Variants in ALKBH3 observed in about 807,000 individuals in gnomAD.
ALKBH3 encodes the protein alkB homolog 3, alpha-ketoglutarate dependent dioxygenase, also known as alpha-ketoglutarate-dependent dioxygenase alkB homolog 3.
In ALKBH3, 51 loss-of-function variants were observed where a neutral mutation model predicts 43.9. The observed-to-expected ratio is 1.16, with a 90% confidence interval of 0.93 to 1.47. The LOEUF (loss-of-function observed/expected upper bound fraction) is 1.47. Among genes scored for constraint, ALKBH3 ranks in the 40% most tolerant of loss-of-function variants. The pLI, the probability that ALKBH3 is intolerant of heterozygous loss-of-function variation, is 0.00. For missense variants in ALKBH3, 361 were observed against 351.9 expected, an observed-to-expected ratio of 1.03 and a Z score of -0.21; for synonymous variants, 102 against 115.2, an observed-to-expected ratio of 0.89 and a Z score of 0.73.
Position 43,883,099 on chromosome 11 carries a change from A to G in ALKBH3, c.94A>G (p.Ser32Gly). ...TCTTGCTTCAGCTACCACTGCTAAG[A>G]GCCATCTCCACCAGAAGCCTGGCCA... Reference protein sequence around the residue: ...AIAQPATTAKSHLHQKPGQTW... With the variant: ...AIAQPATTAKGHLHQKPGQTW... Residue 32 changes from serine (S) to glycine (G), a missense_variant, in exon 3 of 10, where the codon AGC (serine) becomes GGC (glycine). Coordinates refer to ENST00000302708, the MANE Select transcript of ALKBH3 (RefSeq NM_139178.4). The G allele has an allele frequency of 6.2e-7, 1 of 1,614,016 alleles. No individual in the cohort carries two copies. The highest frequency in any genetic ancestry group is 8.5e-7 in the Non-Finnish European group (1 of 1,179,988).
At chr11:43,896,218 G>T (rs1951817377) in intron 7 of ALKBH3, among the ~76,000 whole-genome samples, 1 of 151,492 alleles carries the variant, frequency 6.6e-6, no homozygotes. Flanking sequence ...TAGAAAACTG[G>T]TATCTGCCAC....
intron 8 of ALKBH3, among the ~76,000 whole-genome samples, chr11:43,914,776 C>A (rs1056784355): frequency 6.6e-6 from 1 of 152,048 alleles, no homozygotes; most frequent in East Asian, 1.9e-4. Context: ...GTATGACAAA[C>A]AAATGCCTTA....
At chr11:43,916,543 T>A (rs1951984638) in intron 8 of ALKBH3, 2 of 152,040 alleles carry the variant, frequency 1.3e-5, no homozygotes, top group African/African-American at 4.8e-5. Flanking sequence ...TTAGCCCTGG[T>A]TTTGGGGGGT....
chr11:43,891,937 C>G, intron 6 of ALKBH3, 104 bp from the exon 7 acceptor site: 1 of 835,952 alleles, frequency 1.2e-6, no homozygotes, highest in Non-Finnish European at 1.9e-6. Flanking sequence ...TCTTACTTTT[C>G]TTTTGTATTT....
chr11:43,897,159 A>T, intron 7 of ALKBH3: 1 of 479,874 alleles, frequency 2.1e-6, no homozygotes, highest in South Asian at 1.5e-5. Context: ...GTGGCTTTAT[A>T]TATAAAATAA....
At position 43,901,618 on chromosome 11, in the gene ALKBH3, G is replaced by T; in HGVS notation, c.562G>T (p.Val188Leu). 6.2e-7 allele frequency: 1 copy of T among 1,614,254 alleles called. No individual in the cohort carries two copies. The highest frequency in any genetic ancestry group is 8.5e-7 in the Non-Finnish European group (1 of 1,180,046). ...TCTTTATCGCAATGAGAAGGACAGC[G>T]TGGACTGGCACAGTGATGATGAACC... ...CNLYRNEKDS[V>L]DWHSDDEPSL... The change falls in exon 8 of 10, where the codon GTG (valine) becomes TTG (leucine). Residue 188 changes from valine (V) to leucine (L), a missense_variant. Transcript: ENST00000302708.
chr11:43,881,934 G>A (rs1197083469), intron 1 of ALKBH3, among the ~76,000 whole-genome samples: 1 of 152,216 alleles, frequency 6.6e-6, no homozygotes, highest in Admixed American at 6.5e-5. Flanking sequence ...AGTATTATTA[G>A]CCATTATGAG....
At position 43,897,979 on chromosome 11, in the gene ALKBH3, C is replaced by T. The variant is rs951025795; in HGVS notation, c.460-3537C>T. On this transcript the variant is annotated intron_variant, in intron 7 of 9. Transcript: ENST00000302708. ...AACCTTTGTGCCCCATTGGACTCCA[C>T]CTTCCATCACGCCCTCTTCAGAGAC... 18 of 795,946 alleles carry T rather than the reference C, an allele frequency of 2.3e-5. No individual in the cohort carries two copies. The African/African-American group carries it at 2.9e-4, about 13-fold the overall frequency. 49.3% of individuals were successfully genotyped at this position (795,946 alleles called of 1,614,324 possible).
At chr11:43,895,201 A>G (rs1357341346) in intron 7 of ALKBH3, among the ~76,000 whole-genome samples, 3 of 152,182 alleles carry the variant, frequency 2.0e-5, no homozygotes, top group Non-Finnish European at 4.4e-5. Context: ...TCACTGCGAA[A>G]CATATAACAT....
intron 7 of ALKBH3, chr11:43,898,961 G>A (rs1951840774): frequency 4.0e-6 from 3 of 750,296 alleles, no homozygotes; most frequent in South Asian, 2.7e-5. Context: ...TGGAGGAGCT[G>A]GAGAATGAAG....
intron 7 of ALKBH3, among the ~76,000 whole-genome samples, chr11:43,900,198 T>G (rs1484000119): frequency 6.7e-6 from 1 of 149,360 alleles, no homozygotes; most frequent in Non-Finnish European, 1.5e-5. Context: ...TGATTGCATT[T>G]TTTTTATTTT....
rs1179017702 is a variant in ALKBH3, at chr11:43,919,075, A to G, written c.707A>G (p.Lys236Arg). ...NGDYTYVERV[K>R]IPLDHGTLLI... ...GACTACACATATGTGGAAAGAGTGA[A>G]GATACCCTTGGATCATGGGACCTTG... Residue 236 changes from lysine (K) to arginine (R), a missense_variant, in exon 9 of 10, where the codon AAG becomes AGG. Transcript: ENST00000302708. The G allele has an allele frequency of 6.2e-7, 1 of 1,613,126 alleles. No individual in the cohort carries two copies. Among genetic ancestry groups the G allele is most frequent in the Non-Finnish European group, 8.5e-7 (1 of 1,179,098 alleles).
intron 8 of ALKBH3, among the ~76,000 whole-genome samples, chr11:43,902,890 C>T (rs958226016): frequency 1.3e-5 from 2 of 152,222 alleles, no homozygotes; most frequent in African/African-American, 4.8e-5. Flanking sequence ...AGCCACTGCA[C>T]CTGGCCCAGG....
rs371147337 is a variant in ALKBH3 at position 43,886,144 on chromosome 11, T to C, written c.219-462T>C. On this transcript the variant is annotated intron_variant, in intron 4 of 9. Coordinates refer to ENST00000302708, the MANE Select transcript of ALKBH3 (RefSeq NM_139178.4). ...CATTATGAGGACCTTGAATGCAGTT[T>C]TGGGGTGCCATTGAAGGATTTTAAT... Among the ~76,000 whole-genome samples, 3 of 152,182 alleles carry C rather than the reference T, an allele frequency of 2.0e-5. No homozygotes were observed. The South Asian group carries it at 6.2e-4, about 32-fold the overall frequency.
Position 43,882,645 on chromosome 11 carries a change from T to C in ALKBH3, c.-8T>C, listed in dbSNP as rs1454475986. On this transcript the variant is annotated 5_prime_UTR_variant, in exon 2 of 10. Transcript: ENST00000302708. ...TGAAAGCTCGGAGCAGAAGCCTTTT[T>C]GGTCAACATGGAGGAAAAAAGACGG... The C allele has an allele frequency of 1.9e-6, 3 of 1,610,682 alleles. No individual in the cohort carries two copies. Among genetic ancestry groups the C allele is most frequent in the Non-Finnish European group, 2.5e-6 (3 of 1,179,036 alleles).
chr11:43,919,189 A>G, intron 9 of ALKBH3, 53 bp downstream of exon 9: 14 of 1,424,442 alleles, frequency 9.8e-6, no homozygotes, highest in Non-Finnish European at 1.4e-5. Flanking sequence ...CAGTTTCCTG[A>G]CTCTGAGGAC....
At chr11:43,899,130 A>C in intron 7 of ALKBH3, 1 of 770,566 alleles carries the variant, frequency 1.3e-6, no homozygotes. Flanking sequence ...TCACTCCAAG[A>C]GGTCGCCACA....
chr11:43,915,459 A>C (rs1480717118), intron 8 of ALKBH3, among the ~76,000 whole-genome samples: 3 of 152,178 alleles, frequency 2.0e-5, no homozygotes, highest in Non-Finnish European at 2.9e-5. Context: ...TTTTTTAAGA[A>C]TATATCCTAG....
chr11:43,902,311 G>T (rs1297807257), intron 8 of ALKBH3, among the ~76,000 whole-genome samples: 3 of 152,098 alleles, frequency 2.0e-5, no homozygotes, highest in Non-Finnish European at 4.4e-5. Context: ...CCACATTCAG[G>T]TAGAAAAACA....
Sources: gnomAD v4.1 joint callset for allele counts (sites outside exome capture counted in the v4.1 genomes callset) on GRCh38, gnomAD v4.1.1 for gene constraint, MANE v1.5 for transcripts, NCBI Gene and HGNC (gene_info 2026-07-23, HGNC 2026-07-21) for gene names.